XPA: variants seen among roughly 807,000 people sequenced by gnomAD.
XPA encodes the protein XPA, DNA damage recognition and repair factor.
XPA carries 27 observed loss-of-function variants against 35.7 expected under a neutral mutation model. The observed-to-expected ratio is 0.76, with a 90% CI of 0.56 to 1.04. The LOEUF (loss-of-function observed/expected upper bound fraction) is 1.04. Among genes scored for constraint, XPA ranks in the 50% least tolerant of loss-of-function variants. The probability of loss-of-function intolerance (pLI) is 0.00; values close to 1 mark genes in which losing one functional copy is unlikely to be tolerated. For synonymous variants in XPA, 133 were observed against 118.4 expected (o/e 1.12, Z -0.80); for missense variants, 354 against 342.7 (o/e 1.03, Z -0.26).
chr9:97,691,572 A>G (rs1828888694), intron 2 of XPA, among the ~76,000 whole-genome samples: 1 of 152,006 alleles, frequency 6.6e-6, no homozygotes, highest in African/African-American at 2.4e-5. Context: ...GGTGTCAATT[A>G]GCTGGGTGAC....
intron 5 of XPA, chr9:97,682,229 T>C: frequency 2.0e-6 from 1 of 511,704 alleles, no homozygotes; most frequent in South Asian, 1.4e-5. Flanking sequence ...CTGTGTCAGC[T>C]TCTTTGTGGA....
intron 3 of XPA, among the ~76,000 whole-genome samples, chr9:97,688,865 AAAGT>A (rs1828797960): frequency 6.6e-6 from 1 of 152,352 alleles, no homozygotes; most frequent in African/African-American, 2.4e-5. Flanking sequence ...CTGTAGGGAC[AAAGT>A]AAGCACAGGG....
At chr9:97,668,768 T>G in the XPA span, 1 of 1,494,298 alleles carries the variant, frequency 6.7e-7, no homozygotes. Context: ...CCAGACACAG[T>G]AAAATGCTTC....
chr9:97,657,081 C>T, the XPA span, among the ~76,000 whole-genome samples: 1 of 152,202 alleles, frequency 6.6e-6, no homozygotes, highest in Non-Finnish European at 1.5e-5. Flanking sequence ...CATTCTCCTG[C>T]CTCAGCCTCC....
the XPA span, chr9:97,660,952 T>C: frequency 6.2e-7 from 1 of 1,610,662 alleles, no homozygotes; most frequent in Non-Finnish European, 8.5e-7. Context: ...TTAGATTCTC[T>C]TCCTGGACAT....
At chr9:97,670,946 C>G, downstream of XPA, 1 of 504,188 alleles carries the variant, frequency 2.0e-6, no homozygotes, top group Non-Finnish European at 3.6e-6. Flanking sequence ...TTTCAGGGGT[C>G]CATTGTTCCT....
the XPA span, among the ~76,000 whole-genome samples, chr9:97,655,514 A>C: frequency 1.3e-5 from 2 of 152,226 alleles, no homozygotes; most frequent in Non-Finnish European, 2.9e-5. Flanking sequence ...AGGTACTAGA[A>C]TTATATCTGT....
intron 2 of XPA, among the ~76,000 whole-genome samples, chr9:97,690,060 T>C (rs1828839758): frequency 6.6e-6 from 1 of 152,218 alleles, no homozygotes; most frequent in East Asian, 1.9e-4. Flanking sequence ...AGAATCCATC[T>C]CCTTGCCTTT....
chr9:97,697,147 G>C lies in XPA; in HGVS notation c.146C>G (p.Ser49Trp), dbSNP rs1374751849. ...RQARLAARPY[S>W]ATAAAATGGM... ...TCCAGTAGCCGCAGCCGCCGTCGCC[G>C]AGTAGGGCCGGGCAGCCAGCCGGGC... The change falls in exon 1 of 6, where the codon TCG becomes TGG. Residue 49 changes from serine to tryptophan, a missense_variant. Ser to Trp is a radical substitution (Grantham distance 177). Transcript: ENST00000375128. The C allele has an allele frequency of 6.4e-7, 1 of 1,563,784 alleles. No homozygotes were observed. Among genetic ancestry groups the C allele is most frequent in the South Asian group, 1.2e-5 (1 of 86,902 alleles).
the XPA span, among the ~76,000 whole-genome samples, chr9:97,667,451 C>G: frequency 6.6e-6 from 1 of 152,076 alleles, no homozygotes; most frequent in African/African-American, 2.4e-5. Context: ...CTATAGGAAC[C>G]TTTCGCAAGT....
At chr9:97,669,846 A>G in the XPA span, 7 of 717,878 alleles carry the variant, frequency 9.8e-6, no homozygotes, top group African/African-American at 5.2e-5. Context: ...TGCTGCTACC[A>G]TTGCTCATCA....
the XPA span, chr9:97,669,798 T>C: frequency 3.5e-6 from 3 of 858,472 alleles, no homozygotes; most frequent in Non-Finnish European, 3.9e-6. Flanking sequence ...GTTAGGAGGT[T>C]ATATAGTACC....
intron 1 of XPA, among the ~76,000 whole-genome samples, chr9:97,695,846 G>A (rs1240407532): frequency 2.0e-5 from 3 of 152,256 alleles, no homozygotes; most frequent in Non-Finnish European, 4.4e-5. Context: ...TCAGTTCTTG[G>A]GGAACTGCCT....
downstream of XPA, chr9:97,673,750 A>C (rs953687636): frequency 6.6e-6 from 1 of 152,234 alleles, no homozygotes; most frequent in African/African-American, 2.4e-5. Flanking sequence ...CAAAGTAAAC[A>C]TACTGTTTTC....
chr9:97,654,873 T>A, the XPA span: 1 of 1,613,636 alleles, frequency 6.2e-7, no homozygotes, highest in Non-Finnish European at 8.5e-7. Flanking sequence ...TTATCCTAAA[T>A]TCACAGCTTG....
Position 97,675,150 on chromosome 9 carries a change from A to G in XPA, c.*289T>C, listed in dbSNP as rs1425447919. ...GTTTGCCTTGGTATCTTGTCCTCAA[A>G]TTTGTAGCTGACCTACCACTTCTGC... On this transcript the variant is annotated 3_prime_UTR_variant, in exon 6 of 6. Coordinates refer to ENST00000375128, the MANE Select transcript of XPA (RefSeq NM_000380.4). 3.5e-6 allele frequency: 2 copies of G among 571,952 alleles called. No homozygotes were observed. Among genetic ancestry groups the G allele is most frequent in the Admixed American group, 4.3e-5 (2 of 46,118 alleles). 35.4% of individuals were successfully genotyped at this position (571,952 alleles called of 1,614,324 possible). A position where few individuals can be genotyped will look rare whatever the true frequency, so the allele number is the denominator to read the frequency against.
chr9:97,657,043 A>G, the XPA span, among the ~76,000 whole-genome samples: 1 of 152,112 alleles, frequency 6.6e-6, no homozygotes, highest in African/African-American at 2.4e-5. Context: ...ATCTCGGCTC[A>G]CTGCAAGCGC....
At position 97,675,434 on chromosome 9, in the gene XPA, A is replaced by G. The variant is rs367850465; in HGVS notation, c.*5T>C. ...TTCTATAAAACAGGTCACTGAACTA[A>G]AAAATCACATTTTTTCATATGTCAG... On this transcript the variant is annotated 3_prime_UTR_variant, in exon 6 of 6. Transcript: ENST00000375128. 6.3e-5 allele frequency: 102 copies of G among 1,612,900 alleles called. No homozygotes were observed. In the African/African-American group the frequency reaches 1.3e-3, roughly 20 times the overall value.
rs1829080164 is a variant in XPA at position 97,697,200 on chromosome 9, C to G, written c.93G>C (p.Lys31Asn). Residue 31 changes from lysine (K) to asparagine (N), a missense_variant, in exon 1 of 6, where the codon AAG becomes AAC. Physicochemically the swap from Lys to Asn is moderately conservative, Grantham distance 94 (BLOSUM62 0). Coordinates refer to ENST00000375128, the MANE Select transcript of XPA (RefSeq NM_000380.4). ...PASVRASIER[K>N]RQRALMLRQA... ...GGCGCAGCATCAGTGCCCGCTGCCGCTTCCGCTCGATACTCGCCCGCACCG... is the reference window on the plus strand; with the variant it reads ...GGCGCAGCATCAGTGCCCGCTGCCGGTTCCGCTCGATACTCGCCCGCACCG... 1 of 1,600,022 alleles carries G rather than the reference C, an allele frequency of 6.2e-7. No individual in the cohort carries two copies. The highest frequency in any genetic ancestry group is 8.5e-7 in the Non-Finnish European group (1 of 1,177,890).
Sources: allele counts gnomAD v4.1 joint callset (sites outside exome capture counted in the v4.1 genomes callset), GRCh38; gene constraint gnomAD v4.1.1; transcripts MANE v1.5; gene names NCBI Gene and HGNC (gene_info 2026-07-23, HGNC 2026-07-21).